The following NPFFR2 variants were observed in gnomAD, a reference collection of about 807,000 sequenced individuals.
NPFFR2 encodes neuropeptide FF receptor 2.
Under a neutral mutation model 13.1 loss-of-function variants are expected in NPFFR2, and 15 were observed. The observed-to-expected ratio is 1.15, with a 90% confidence interval of 0.77 to 1.76. The LOEUF (loss-of-function observed/expected upper bound fraction) is 1.76, where lower values mean the gene tolerates loss of function less well. Ranked by LOEUF, NPFFR2 falls within the 40% of genes most tolerant of loss-of-function variation. The pLI, the probability that NPFFR2 is intolerant of heterozygous loss-of-function variation, is 0.00. For synonymous variants in NPFFR2, 190 were observed against 175.7 expected, an observed-to-expected ratio of 1.08 and a Z score of -0.65; for missense variants, 572 against 503.5, an observed-to-expected ratio of 1.14 and a Z score of -1.30.
chr4:72,032,098 A>T lies in NPFFR2; in HGVS notation c.-110A>T. On this transcript the variant is annotated 5_prime_UTR_variant, in exon 1 of 4. Transcript: ENST00000308744. The stretch of plus-strand genomic sequence containing the variant: ...AGACGTCGGCTGGGATTGAGCCGGC[A>T]GACTGCGAAAAGTAGCTGGAGCCGG... The T allele has an allele frequency of 6.2e-7, 1 of 1,614,116 alleles. No individual in the cohort carries two copies. The highest frequency in any genetic ancestry group is 8.5e-7 in the Non-Finnish European group (1 of 1,179,980).
chr4:72,042,805 G>A (rs1474581492), intron 1 of NPFFR2, among the ~76,000 whole-genome samples: 1 of 152,182 alleles, frequency 6.6e-6, no homozygotes, highest in Admixed American at 6.5e-5. Flanking sequence ...TAAAAAATGT[G>A]CAGGCTGATT....
intron 1 of NPFFR2, among the ~76,000 whole-genome samples, chr4:72,070,798 A>G (rs1027113809): frequency 1.3e-5 from 2 of 152,172 alleles, no homozygotes; most frequent in South Asian, 4.1e-4. Context: ...TGCAGCATGT[A>G]GTACTAAGGG....
chr4:72,097,962 T>G (rs1338952397), intron 1 of NPFFR2, among the ~76,000 whole-genome samples: 1 of 49,786 alleles, frequency 2.0e-5, no homozygotes, highest in Admixed American at 3.1e-4. Context: ...CTTTATATTC[T>G]TCCTACACCA....
At chr4:72,142,637 A>G (rs1722665805) in intron 3 of NPFFR2, among the ~76,000 whole-genome samples, 1 of 152,362 alleles carries the variant, frequency 6.6e-6, no homozygotes, top group Admixed American at 6.5e-5. Flanking sequence ...AAATGAAACT[A>G]TTGAATTTTC....
intron 1 of NPFFR2, among the ~76,000 whole-genome samples, chr4:72,127,433 G>A (rs1210179152): frequency 6.2e-5 from 7 of 112,680 alleles, no homozygotes; most frequent in Non-Finnish European, 8.6e-5. Context: ...GCGCGATCTC[G>A]GCTCACTGCA....
At position 72,147,002 on chromosome 4, in the gene NPFFR2, TA is replaced by T; in HGVS notation, c.456del (p.Lys152AsnfsTer14). The T allele has an allele frequency of 6.2e-7, 1 of 1,613,680 alleles. No homozygotes were observed. Reference sequence around the variant, plus strand: ...GGTTCCAGTGTGTGGTCTACCCTTTTAAACCAAAGCTCACTATCAAGACAGC... The same window carrying T: ...GGTTCCAGTGTGTGGTCTACCCTTTTAACCAAAGCTCACTATCAAGACAGC... Reference protein sequence around the residue: ...DRFQCVVYPFKPKLTIKTAFV... With the variant: ...DRFQCVVYPFXPKLTIKTAFV... On this transcript the variant is annotated frameshift_variant, in exon 4 of 4. Coordinates refer to ENST00000308744, the MANE Select transcript of NPFFR2 (RefSeq NM_004885.3). LOFTEE classifies it low-confidence loss of function (END_TRUNC).
intron 1 of NPFFR2, among the ~76,000 whole-genome samples, chr4:72,074,244 T>A (rs972197456): frequency 6.6e-6 from 1 of 152,036 alleles, no homozygotes; most frequent in African/African-American, 2.4e-5. Flanking sequence ...GACATGCAAT[T>A]TAAAACTTAT....
chr4:72,124,252 G>C (rs534518814), intron 1 of NPFFR2, among the ~76,000 whole-genome samples: 2 of 152,090 alleles, frequency 1.3e-5, no homozygotes, highest in South Asian at 4.1e-4. Flanking sequence ...ACTGCTCAAG[G>C]AACTAAGAGA....
chr4:72,142,175 C>A (rs1382942988), intron 3 of NPFFR2, among the ~76,000 whole-genome samples: 1 of 152,144 alleles, frequency 6.6e-6, no homozygotes, highest in East Asian at 1.9e-4. Flanking sequence ...GATGGGTCTC[C>A]TGAATACGGC....
chr4:72,112,141 G>A (rs1343845303), intron 1 of NPFFR2, among the ~76,000 whole-genome samples: 3 of 151,970 alleles, frequency 2.0e-5, no homozygotes, highest in African/African-American at 7.2e-5. Flanking sequence ...ACACATTCAG[G>A]CTGCTGTTTA....
In NPFFR2 at chr4:72,126,367, T is replaced by A. The variant is rs145845507; in HGVS notation, c.-7-2218T>A. Among the ~76,000 whole-genome samples the A allele has an allele frequency of 5.3e-5, 8 of 152,266 alleles. No individual in the cohort carries two copies. In the East Asian group the frequency reaches 1.5e-3, roughly 29 times the overall value. On this transcript the variant is annotated intron_variant, in intron 1 of 3. Coordinates refer to ENST00000308744, the MANE Select transcript of NPFFR2 (RefSeq NM_004885.3). ...GGAACACACCAACAGTGTGGGGAGG[T>A]CAATTTTATAAGCCCACTGTCAAAT... is the stretch of plus-strand genomic sequence containing the variant.
chr4:72,077,923 T>C (rs1007691209), intron 1 of NPFFR2, among the ~76,000 whole-genome samples: 5 of 152,118 alleles, frequency 3.3e-5, no homozygotes, highest in Admixed American at 6.6e-5. Context: ...TTTGCAATTT[T>C]GAAGTAGAGA....
chr4:72,087,598 G>A (rs1578446461), intron 1 of NPFFR2, among the ~76,000 whole-genome samples: 2 of 152,028 alleles, frequency 1.3e-5, no homozygotes, highest in South Asian at 4.2e-4. Flanking sequence ...CCCCTGTATA[G>A]GATGGGGAAG....
chr4:72,080,295 C>A (rs1420811212), intron 1 of NPFFR2, among the ~76,000 whole-genome samples: 4 of 151,758 alleles, frequency 2.6e-5, no homozygotes, highest in Non-Finnish European at 5.9e-5. Context: ...CTCCTGAGTA[C>A]CTGGGATTAG....
At chr4:72,048,226 T>C (rs1719434314) in intron 1 of NPFFR2, among the ~76,000 whole-genome samples, 1 of 152,076 alleles carries the variant, frequency 6.6e-6, no homozygotes, top group Non-Finnish European at 1.5e-5. Flanking sequence ...AAGTTCAGTT[T>C]CTTCTTCCCA....
chr4:72,090,076 G>A (rs1208349897), intron 1 of NPFFR2, among the ~76,000 whole-genome samples: 1 of 152,066 alleles, frequency 6.6e-6, no homozygotes, highest in African/African-American at 2.4e-5. Flanking sequence ...TTGTTGAATA[G>A]GGTGTCCTTT....
chr4:72,051,907 A>C (rs1269623179), intron 1 of NPFFR2, among the ~76,000 whole-genome samples: 2 of 148,410 alleles, frequency 1.3e-5, no homozygotes, highest in African/African-American at 2.5e-5. Flanking sequence ...GAAATGGATA[A>C]ATTCCTCGAC....
intron 3 of NPFFR2, among the ~76,000 whole-genome samples, chr4:72,144,939 C>G (rs1200010661): frequency 6.6e-6 from 1 of 152,142 alleles, no homozygotes; most frequent in Non-Finnish European, 1.5e-5. Context: ...GGAAGCCAAC[C>G]TCCAATTTAT....
At chr4:72,133,124 A>G (rs1482380261) in intron 2 of NPFFR2, among the ~76,000 whole-genome samples, 2 of 152,018 alleles carry the variant, frequency 1.3e-5, no homozygotes, top group Non-Finnish European at 2.9e-5. Context: ...CAGAGTTTTC[A>G]TAGTTTTGGG....
Sources: gnomAD v4.1 joint callset for allele counts (sites outside exome capture counted in the v4.1 genomes callset) on GRCh38, gnomAD v4.1.1 for gene constraint, MANE v1.5 for transcripts, NCBI Gene and HGNC (gene_info 2026-07-23, HGNC 2026-07-21) for gene names.